FOXO1: variants seen among roughly 807,000 people sequenced by gnomAD.
FOXO1 encodes the protein forkhead box protein O1.
A neutral mutation model predicts 44.1 loss-of-function variants in FOXO1; 6 were observed. That is an observed-to-expected ratio of 0.14 (90% CI 0.07 to 0.27). The LOEUF (loss-of-function observed/expected upper bound fraction) is 0.27, where lower values mean the gene tolerates loss of function less well. Ranked by LOEUF, FOXO1 falls within the 10% of genes least tolerant of loss-of-function variation. The pLI is 1.00. For synonymous variants in FOXO1, 380 were observed against 362.7 expected (o/e 1.05, Z -0.54); for missense variants, 737 against 888.8 (o/e 0.83, Z 2.17).
At chr13:40,618,888 A>T in intron 1 of FOXO1, 2 of 526,456 alleles carry the variant, frequency 3.8e-6, no homozygotes, top group Non-Finnish European at 7.7e-6. Flanking sequence ...GGCTTATGAG[A>T]GGACCATAAT....
At chr13:40,640,081 A>G (rs1877297728) in intron 1 of FOXO1, among the ~76,000 whole-genome samples, 1 of 152,250 alleles carries the variant, frequency 6.6e-6, no homozygotes. Context: ...CCACAGGGCC[A>G]TAGATTCCAC....
At chr13:40,635,024 A>G (rs1478636387) in intron 1 of FOXO1, among the ~76,000 whole-genome samples, 1 of 152,146 alleles carries the variant, frequency 6.6e-6, no homozygotes, top group African/African-American at 2.4e-5. Flanking sequence ...TTCAACATCA[A>G]TTTAGCATCA....
At position 40,665,824 on chromosome 13, in the gene FOXO1, G is replaced by A; in HGVS notation, c.389C>T (p.Pro130Leu). Residue 130 changes from proline (P) to leucine (L), a missense_variant, in exon 1 of 3, where the codon CCG becomes CTG. Physicochemically the swap from Pro to Leu is moderately conservative, Grantham distance 98. This residue lies in a region of FOXO1 where 213 missense variants were observed against 236.4 expected (regional missense o/e 0.90). Coordinates refer to ENST00000379561, the MANE Select transcript of FOXO1 (RefSeq NM_002015.4). The stretch of plus-strand genomic sequence containing the variant: ...GGGCACCGGCGGGTGCTGCGACAGC[G>A]GCCCGGGCGGCGGGGGCTGCGGTGG... Reference protein sequence around the residue: ...PAPPQPPPPGPLSQHPPVPPA... With the variant: ...PAPPQPPPPGLLSQHPPVPPA... 8.5e-7 allele frequency: 1 copy of A among 1,178,166 alleles called. No homozygotes were observed. Among genetic ancestry groups the A allele is most frequent in the Non-Finnish European group, 1.1e-6 (1 of 950,790 alleles). The allele number at this position is 1,178,166 out of a possible 1,614,324, so 73.0% of individuals were successfully genotyped here.
At chr13:40,618,153 A>C (rs1390630260) in intron 1 of FOXO1, among the ~76,000 whole-genome samples, 2 of 152,062 alleles carry the variant, frequency 1.3e-5, no homozygotes, top group African/African-American at 4.8e-5. Context: ...ATCTCAGCTC[A>C]CTGCAACCCC....
intron 1 of FOXO1, among the ~76,000 whole-genome samples, chr13:40,575,235 G>A (rs1874699353): frequency 6.6e-6 from 1 of 151,918 alleles, no homozygotes; most frequent in East Asian, 1.9e-4. Context: ...CAGCAACACA[G>A]AAGGCAGAGG....
intron 1 of FOXO1, among the ~76,000 whole-genome samples, chr13:40,629,373 C>T (rs1423310032): frequency 1.3e-5 from 2 of 152,188 alleles, no homozygotes; most frequent in Non-Finnish European, 2.9e-5. Context: ...AACTCCCAAC[C>T]TCAGGTGATC....
At chr13:40,660,560 C>T (rs1878002249) in intron 1 of FOXO1, among the ~76,000 whole-genome samples, 1 of 152,212 alleles carries the variant, frequency 6.6e-6, no homozygotes, top group Non-Finnish European at 1.5e-5. Context: ...AACATGTTTA[C>T]AGTCTGCAAG....
At chr13:40,619,220 G>T (rs1388636374) in intron 1 of FOXO1, 4 of 360,786 alleles carry the variant, frequency 1.1e-5, no homozygotes, top group Non-Finnish European at 2.1e-5. Flanking sequence ...CTTGAATCTG[G>T]GAGGCGGAGT....
rs138151542 is a variant in FOXO1, at chr13:40,619,456, G to C, written c.630+46127C>G. 7.4e-4 allele frequency: 922 copies of C among 1,244,750 alleles called. 15 individuals are homozygous for C. In the East Asian group the frequency reaches 0.018, roughly 25 times the overall value. The allele number at this position is 1,244,750 out of a possible 1,614,324, so 77.1% of individuals were successfully genotyped here. ...AAATGGGAATCAAAATTGGAGAGCT[G>C]TGAGTCGAACAAACTCGAACAGTGG... On this transcript the variant is annotated intron_variant, in intron 1 of 2. Coordinates refer to ENST00000379561, the MANE Select transcript of FOXO1 (RefSeq NM_002015.4).
chr13:40,622,840 G>A (rs919760393), intron 1 of FOXO1, among the ~76,000 whole-genome samples: 4 of 152,020 alleles, frequency 2.6e-5, no homozygotes, highest in African/African-American at 9.7e-5. Flanking sequence ...ATTCCCTAAG[G>A]ATCACTATAA....
intron 1 of FOXO1, among the ~76,000 whole-genome samples, chr13:40,648,763 T>C (rs1486030858): frequency 3.3e-5 from 5 of 152,174 alleles, no homozygotes; most frequent in Non-Finnish European, 7.3e-5. Flanking sequence ...CAAAATACTA[T>C]TAATATATTT....
chr13:40,655,682 G>A (rs1292421228), intron 1 of FOXO1, among the ~76,000 whole-genome samples: 1 of 132,194 alleles, frequency 7.6e-6, no homozygotes, highest in Non-Finnish European at 1.5e-5. Context: ...TGTCGCCCAG[G>A]CTCAGGCCGG....
chr13:40,609,604 A>C lies in FOXO1; in HGVS notation c.631-48744T>G, dbSNP rs564527233. Among the ~76,000 whole-genome samples, 89 of 152,292 alleles carry C rather than the reference A, an allele frequency of 5.8e-4. 2 individuals are homozygous for C. The South Asian group carries it at 0.017, about 30-fold the overall frequency. ...GATTGACTATAAAAACAAGAGTTAA[A>C]CATGTCTTCCTATTTTTGAACCAAG... On this transcript the variant is annotated intron_variant, in intron 1 of 2. Coordinates refer to ENST00000379561, the MANE Select transcript of FOXO1 (RefSeq NM_002015.4).
At chr13:40,604,661 A>G (rs564274998) in intron 1 of FOXO1, among the ~76,000 whole-genome samples, 1 of 152,168 alleles carries the variant, frequency 6.6e-6, no homozygotes, top group South Asian at 2.1e-4. Context: ...TCTTCTTTAA[A>G]CATGCCATGA....
intron 1 of FOXO1, among the ~76,000 whole-genome samples, chr13:40,657,497 T>TA (rs1877896940): frequency 6.6e-6 from 1 of 152,090 alleles, no homozygotes; most frequent in East Asian, 1.9e-4. Flanking sequence ...CACACTCACT[T>TA]AATCTCTTCT....
Position 40,615,528 on chromosome 13 carries a change from AATACATACATACATACATACATAC to A in FOXO1, c.630+50031_630+50054del, listed in dbSNP as rs56390235. ...GGTGACAGAGTGAGACTCCATCTCA[AATACATACATACATACATACATAC>A]ATACATACATACATACATACATACA... On this transcript the variant is annotated intron_variant, in intron 1 of 2. Transcript: ENST00000379561. Among the ~76,000 whole-genome samples, 12 of 139,816 alleles carry A rather than the reference AATACATACATACATACATACATAC, an allele frequency of 8.6e-5. No homozygotes were observed. In the South Asian group the frequency reaches 1.8e-3, roughly 21 times the overall value. 91.7% of individuals were successfully genotyped at this position (139,816 alleles called of 152,430 possible). A position where few individuals can be genotyped will look rare whatever the true frequency, so the allele number is the denominator to read the frequency against.
At chr13:40,618,358 G>A (rs764779634) in intron 1 of FOXO1, among the ~76,000 whole-genome samples, 1 of 152,222 alleles carries the variant, frequency 6.6e-6, no homozygotes, top group Non-Finnish European at 1.5e-5. Flanking sequence ...TTATAGGCAT[G>A]AGCCATGACA....
chr13:40,607,220 CA>C (rs1876031150), intron 1 of FOXO1, among the ~76,000 whole-genome samples: 1 of 152,164 alleles, frequency 6.6e-6, no homozygotes, highest in Non-Finnish European at 1.5e-5. Flanking sequence ...ATCTGTCTTC[CA>C]GACAAAAACC....
chr13:40,637,806 G>A (rs747731780), intron 1 of FOXO1, among the ~76,000 whole-genome samples: 4 of 152,300 alleles, frequency 2.6e-5, no homozygotes, highest in Non-Finnish European at 4.4e-5. Context: ...CAGGCAGTGT[G>A]ACCGGCAAAC....
Sources: gnomAD v4.1 joint callset for allele counts (sites outside exome capture counted in the v4.1 genomes callset) on GRCh38, gnomAD v4.1.1 for gene constraint, gnomAD v4.1.1 regional missense constraint, MANE v1.5 for transcripts, NCBI Gene and HGNC (gene_info 2026-07-23, HGNC 2026-07-21) for gene names.